ZNF423: variants seen among roughly 807,000 people sequenced by gnomAD.
The protein encoded by ZNF423 is Ebf-associated zinc finger protein.
ZNF423 carries 12 observed loss-of-function variants against 95.8 expected under a neutral mutation model. The ratio of observed to expected loss-of-function variants is 0.13; its 90% CI spans 0.08 to 0.20. The LOEUF is 0.20. Ranked by LOEUF, ZNF423 falls within the 10% of genes least tolerant of loss-of-function variation. The pLI is 1.00. For missense variants in ZNF423, 1,316 were observed against 1,737.1 expected, an observed-to-expected ratio of 0.76 and a Z score of 4.31; for synonymous variants, 749 against 711.9, an observed-to-expected ratio of 1.05 and a Z score of -0.83.
rs143168263 is a variant in ZNF423 at position 49,846,811 on chromosome 16, G to T, written c.40+8924C>A. Among the ~76,000 whole-genome samples, 24 of 152,308 alleles carry T rather than the reference G, an allele frequency of 1.6e-4. No homozygotes were observed. In the East Asian group the frequency reaches 4.6e-3, roughly 29 times the overall value. The stretch of plus-strand genomic sequence containing the variant: ...GGTGAGGGACAAAGCCATATCTCTT[G>T]TTCAGGAACCAAAAATATACTCTAT... On this transcript the variant is annotated intron_variant, in intron 1 of 7. Transcript: ENST00000563137.
chr16:49,747,824 A>G (rs895492926), intron 2 of ZNF423, among the ~76,000 whole-genome samples: 3 of 152,262 alleles, frequency 2.0e-5, no homozygotes, highest in Non-Finnish European at 4.4e-5. Context: ...AGAATCTGTG[A>G]CGCAAGAGAT....
At chr16:49,764,045 G>A (rs568226065) in intron 2 of ZNF423, among the ~76,000 whole-genome samples, 1 of 152,312 alleles carries the variant, frequency 6.6e-6, no homozygotes, top group South Asian at 2.1e-4. Flanking sequence ...GGCTGTGTCT[G>A]TGAGTCACCC....
intron 5 of ZNF423, among the ~76,000 whole-genome samples, chr16:49,594,856 A>G (rs1971132950): frequency 1.3e-5 from 2 of 152,234 alleles, no homozygotes; most frequent in Admixed American, 6.5e-5. Flanking sequence ...CTCAGGAGCT[A>G]CGACAGGCAC....
intron 5 of ZNF423, among the ~76,000 whole-genome samples, chr16:49,623,038 CG>C (rs1237857510): frequency 6.6e-6 from 1 of 152,024 alleles, no homozygotes. Context: ...TGATGAGGCT[CG>C]GGGAGGGCAG....
At chr16:49,594,783 C>T (rs761996994) in intron 5 of ZNF423, among the ~76,000 whole-genome samples, 5 of 151,986 alleles carry the variant, frequency 3.3e-5, no homozygotes, top group African/African-American at 1.2e-4. Context: ...AGAGCACACA[C>T]GGCCAACAGC....
chr16:49,614,185 C>G (rs1024247467), intron 5 of ZNF423, among the ~76,000 whole-genome samples: 1 of 152,176 alleles, frequency 6.6e-6, no homozygotes, highest in Admixed American at 6.5e-5. Context: ...GGCAAATAAG[C>G]CCATGAAAAG....
intron 5 of ZNF423, among the ~76,000 whole-genome samples, chr16:49,591,891 C>T (rs1220332684): frequency 6.6e-6 from 1 of 152,132 alleles, no homozygotes; most frequent in Non-Finnish European, 1.5e-5. Context: ...GGTTGTGGTC[C>T]TCTGGGGGCT....
intron 1 of ZNF423, among the ~76,000 whole-genome samples, chr16:49,808,492 C>T (rs564286255): frequency 2.6e-5 from 4 of 152,296 alleles, no homozygotes; most frequent in African/African-American, 4.8e-5. Context: ...CACAAGCCTC[C>T]GGTGCAATGT....
chr16:49,646,842 G>A (rs1376940092), intron 3 of ZNF423, among the ~76,000 whole-genome samples: 1 of 152,120 alleles, frequency 6.6e-6, no homozygotes, highest in African/African-American at 2.4e-5. Context: ...AAAGTGCTGG[G>A]ATCACAGGCG....
chr16:49,688,094 GAA>G lies in ZNF423; in HGVS notation c.301+42675_301+42676del, dbSNP rs5816654. ...TTCGCAAGTCTCCCTGGTTGAGAGG[GAA>G]AAAAAAAAAAAAAACTCTTCAAATT... On this transcript the variant is annotated intron_variant, in intron 3 of 7. Transcript: ENST00000563137. Among the ~76,000 whole-genome samples, 746 of 107,650 alleles carry G rather than the reference GAA, an allele frequency of 6.9e-3. 15 individuals carry two copies. The highest frequency in any genetic ancestry group is 0.035 in the East Asian group (135 of 3,848). 70.6% of individuals were successfully genotyped at this position (107,650 alleles called of 152,430 possible). A position where few individuals can be genotyped will look rare whatever the true frequency, so the allele number is the denominator to read the frequency against.
chr16:49,692,970 G>A (rs187670587), intron 3 of ZNF423, among the ~76,000 whole-genome samples: 1 of 152,342 alleles, frequency 6.6e-6, no homozygotes, highest in East Asian at 1.9e-4. Context: ...ATGAACGAGT[G>A]AAAAGCAATC....
chr16:49,667,551 C>A (rs1408215116), intron 3 of ZNF423, among the ~76,000 whole-genome samples: 2 of 152,212 alleles, frequency 1.3e-5, no homozygotes, highest in African/African-American at 2.4e-5. Flanking sequence ...CAGCAACACC[C>A]TGGGGTAAAA....
At chr16:49,660,541 C>T (rs1003712685) in intron 3 of ZNF423, among the ~76,000 whole-genome samples, 3 of 152,218 alleles carry the variant, frequency 2.0e-5, no homozygotes, top group Non-Finnish European at 4.4e-5. Context: ...CCTGACCACC[C>T]TCCTGACCAC....
In ZNF423 at chr16:49,635,559, C is replaced by T. The variant is rs1218546523; in HGVS notation, c.3516+101G>A. 2.8e-5 allele frequency: 41 copies of T among 1,450,360 alleles called. No homozygotes were observed. Among genetic ancestry groups the T allele is most frequent in the Admixed American group, 5.2e-5 (2 of 38,246 alleles). 89.8% of individuals were successfully genotyped at this position (1,450,360 alleles called of 1,614,324 possible). A position where few individuals can be genotyped will look rare whatever the true frequency, so the allele number is the denominator to read the frequency against. On this transcript the variant is annotated intron_variant, in intron 4 of 7. Coordinates refer to ENST00000563137, the MANE Select transcript of ZNF423 (RefSeq NM_001379286.1). This position sits in a 1 kb window ranked among gnomAD's most constrained non-coding sequence, Gnocchi z 4.8. ...CTGTTTTGCCACTGCGCGATAGCGC[C>T]GCTTCTTGGAAACACGGCACTCAGG...
At chr16:49,848,113 GA>G (rs200165561) in intron 1 of ZNF423, among the ~76,000 whole-genome samples, 10 of 149,238 alleles carry the variant, frequency 6.7e-5, no homozygotes, top group African/African-American at 9.9e-5. Context: ...GTAAAAAAAG[GA>G]AAAAAAAATG....
intron 5 of ZNF423, among the ~76,000 whole-genome samples, chr16:49,528,390 G>A (rs943073023): frequency 6.6e-6 from 1 of 152,066 alleles, no homozygotes; most frequent in Non-Finnish European, 1.5e-5. Context: ...GGGCCCAAAC[G>A]GCTACCATTT....
chr16:49,530,462 C>A (rs1968798620), intron 5 of ZNF423, among the ~76,000 whole-genome samples: 1 of 152,206 alleles, frequency 6.6e-6, no homozygotes, highest in South Asian at 2.1e-4. Context: ...CTCCCTCCGG[C>A]ACACAGACAG....
chr16:49,668,961 G>A (rs1214969805), intron 3 of ZNF423, among the ~76,000 whole-genome samples: 1 of 152,204 alleles, frequency 6.6e-6, no homozygotes, highest in African/African-American at 2.4e-5. Flanking sequence ...TTCTAGCTCA[G>A]TGTCTGGTCC....
At chr16:49,559,035 C>CTGGCCCAGGCT (rs1969933394) in intron 5 of ZNF423, among the ~76,000 whole-genome samples, 1 of 152,216 alleles carries the variant, frequency 6.6e-6, no homozygotes, top group Non-Finnish European at 1.5e-5. Flanking sequence ...TTGGACATCC[C>CTGGCCCAGGCT]TGGCCCAGGC....
Sources: allele counts gnomAD v4.1 joint callset (sites outside exome capture counted in the v4.1 genomes callset), GRCh38; gene constraint gnomAD v4.1.1; non-coding constraint Gnocchi (gnomAD v3.1); transcripts MANE v1.5; gene names NCBI Gene and HGNC (gene_info 2026-07-23, HGNC 2026-07-21).